Variants in PRDM16 observed in about 807,000 individuals in gnomAD.
PRDM16 encodes the protein PR/SET domain 16, also known as histone-lysine N-methyltransferase PRDM16.
PRDM16 carries 23 observed loss-of-function variants against 110.6 expected under a neutral mutation model. The ratio of observed to expected loss-of-function variants is 0.21; its 90% CI spans 0.15 to 0.29. The LOEUF is 0.29. Ranked by LOEUF, PRDM16 falls within the 10% of genes least tolerant of loss-of-function variation. The pLI is 1.00. For missense variants in PRDM16, 1,615 were observed against 1,794.3 expected (o/e 0.90, Z 1.81); for synonymous variants, 799 against 781.8 (o/e 1.02, Z -0.37).
At chr1:3,075,448 C>T (rs548154819) in intron 1 of PRDM16, among the ~76,000 whole-genome samples, 26 of 152,238 alleles carry the variant, frequency 1.7e-4, no homozygotes, top group Admixed American at 3.9e-4. Flanking sequence ...TCATTAACTA[C>T]AATGCGGCCT....
intron 1 of PRDM16, among the ~76,000 whole-genome samples, chr1:3,150,158 G>A (rs1259007895): frequency 1.3e-5 from 2 of 152,224 alleles, no homozygotes; most frequent in African/African-American, 2.4e-5. Flanking sequence ...CTCGCACTGC[G>A]TAGGGGGATG....
At chr1:3,114,187 ACACACG>A (rs1237837339) in intron 1 of PRDM16, among the ~76,000 whole-genome samples, 4 of 96,454 alleles carry the variant, frequency 4.1e-5, no homozygotes, top group Non-Finnish European at 8.0e-5. Context: ...ACACACACGC[ACACACG>A]CACACGCACG....
chr1:3,156,204 G>C (rs549561223), intron 1 of PRDM16, among the ~76,000 whole-genome samples: 222 of 152,206 alleles, frequency 1.5e-3, no homozygotes, highest in African/African-American at 4.7e-3. Context: ...TGAGGGTCCC[G>C]GGCTGCTCTG....
intron 1 of PRDM16, among the ~76,000 whole-genome samples, chr1:3,141,883 C>G (rs1643556955): frequency 6.6e-6 from 1 of 152,230 alleles, no homozygotes; most frequent in Non-Finnish European, 1.5e-5. Flanking sequence ...GCCACCTGAC[C>G]CGTTCTGTGC....
At chr1:3,258,725 G>A (rs150396357) in intron 3 of PRDM16, among the ~76,000 whole-genome samples, 26 of 152,312 alleles carry the variant, frequency 1.7e-4, no homozygotes, top group African/African-American at 3.1e-4. Flanking sequence ...GAGAGGAAGC[G>A]GAGATATTTG....
intron 1 of PRDM16, among the ~76,000 whole-genome samples, chr1:3,163,645 T>C (rs1223472180): frequency 6.6e-6 from 1 of 151,628 alleles, no homozygotes; most frequent in Non-Finnish European, 1.5e-5. Flanking sequence ...GGCGGTCCTT[T>C]GGAGGCTCTG....
intron 3 of PRDM16, among the ~76,000 whole-genome samples, chr1:3,338,591 C>G (rs758185692): frequency 2.0e-5 from 3 of 152,218 alleles, no homozygotes; most frequent in African/African-American, 4.8e-5. Context: ...CTCACCAGGG[C>G]TTGGCCTCTG....
chr1:3,332,468 G>T (rs55807399), intron 3 of PRDM16, among the ~76,000 whole-genome samples: 26,948 of 151,696 alleles, frequency 0.18, 4,919 homozygotes, highest in African/African-American at 0.46. Context: ...GCCCCCCCTC[G>T]GTTCGGTTTG....
chr1:3,403,881 C>T (rs1030599571), intron 6 of PRDM16, among the ~76,000 whole-genome samples: 13 of 152,328 alleles, frequency 8.5e-5, no homozygotes, highest in African/African-American at 3.1e-4. Context: ...CATCCCCGCA[C>T]CGCTCCCTGG....
In PRDM16 at chr1:3,171,944, G is replaced by A. The variant is rs113080595; in HGVS notation, c.38-14181G>A. On this transcript the variant is annotated intron_variant, in intron 1 of 16. Transcript: ENST00000270722. The stretch of plus-strand genomic sequence containing the variant: ...CAGGTGCAAGCCCCCCGGCCTCCGC[G>A]CCACCGGGGGAGCTGCGATCCAGTA... Among the ~76,000 whole-genome samples, 634 of 152,186 alleles carry A rather than the reference G, an allele frequency of 4.2e-3. 4 individuals carry two copies. Among genetic ancestry groups the A allele is most frequent in the African/African-American group, 0.015 (604 of 41,536 alleles).
chr1:3,137,065 T>G (rs1297780866), intron 1 of PRDM16, among the ~76,000 whole-genome samples: 1 of 152,120 alleles, frequency 6.6e-6, no homozygotes, highest in Non-Finnish European at 1.5e-5. Flanking sequence ...AGTCATCCCA[T>G]TTCACAGGTG....
chr1:3,176,359 G>T (rs896276582), intron 1 of PRDM16, among the ~76,000 whole-genome samples: 8 of 112,926 alleles, frequency 7.1e-5, no homozygotes, highest in African/African-American at 2.6e-4. Flanking sequence ...CTGTTCTCCT[G>T]GAGGCATTCA....
At chr1:3,236,886 C>A (rs1422940914) in intron 2 of PRDM16, among the ~76,000 whole-genome samples, 1 of 152,224 alleles carries the variant, frequency 6.6e-6, no homozygotes, top group Non-Finnish European at 1.5e-5. Context: ...CGGAGCCCGG[C>A]CTGCCTGGCC....
In PRDM16 at chr1:3,437,997, C is replaced by A. The variant is rs1020622184; in HGVS notation, c.*4186C>A. On this transcript the variant is annotated 3_prime_UTR_variant, in exon 17 of 17. Coordinates refer to ENST00000270722, the MANE Select transcript of PRDM16 (RefSeq NM_022114.4). ...ACAGACCTGTGCCGCCCGCCACCTT[C>A]TGCCATTGTTACATTACAGATTTGG... 1 of 218,714 alleles carries A rather than the reference C, an allele frequency of 4.6e-6. No homozygotes were observed. Among genetic ancestry groups the A allele is most frequent in the Non-Finnish European group, 9.2e-6 (1 of 108,894 alleles). 13.5% of individuals were successfully genotyped at this position (218,714 alleles called of 1,614,324 possible). A position where few individuals can be genotyped will look rare whatever the true frequency, so the allele number is the denominator to read the frequency against.
intron 2 of PRDM16, among the ~76,000 whole-genome samples, chr1:3,197,556 G>A (rs745739504): frequency 3.9e-5 from 6 of 152,244 alleles, no homozygotes; most frequent in East Asian, 1.9e-4. Flanking sequence ...GCTGCCAGGC[G>A]GTAGGCCTAC....
intron 3 of PRDM16, among the ~76,000 whole-genome samples, chr1:3,274,655 C>T (rs1025942511): frequency 2.0e-4 from 31 of 152,222 alleles, no homozygotes; most frequent in African/African-American, 7.5e-4. Context: ...CGGCTCCTGC[C>T]GGAGCGAGGC....
At chr1:3,223,867 C>G (rs1639228121) in intron 2 of PRDM16, among the ~76,000 whole-genome samples, 1 of 152,208 alleles carries the variant, frequency 6.6e-6, no homozygotes, top group African/African-American at 2.4e-5. Flanking sequence ...TGTCCACTGC[C>G]TTTTTCAACT....
At chr1:3,179,203 G>T (rs1018608906) in intron 1 of PRDM16, among the ~76,000 whole-genome samples, 3 of 152,234 alleles carry the variant, frequency 2.0e-5, no homozygotes, top group African/African-American at 7.2e-5. Flanking sequence ...ATGTGTAGCC[G>T]ATCCCAACCA....
At chr1:3,386,236 T>C (rs148624271) in intron 4 of PRDM16, among the ~76,000 whole-genome samples, 113 of 139,018 alleles carry the variant, frequency 8.1e-4, no homozygotes, top group African/African-American at 2.6e-3. Context: ...GAGATTTCAT[T>C]TGAAAAAAAA....
Sources: gnomAD v4.1 joint callset for allele counts (sites outside exome capture counted in the v4.1 genomes callset) on GRCh38, gnomAD v4.1.1 for gene constraint, MANE v1.5 for transcripts, NCBI Gene and HGNC (gene_info 2026-07-23, HGNC 2026-07-21) for gene names.